GORAB: variants seen among roughly 807,000 people sequenced by gnomAD.
The protein encoded by GORAB is golgin, RAB6 interacting.
In GORAB, 17 loss-of-function variants were observed where a neutral mutation model predicts 29.9. The observed-to-expected ratio is 0.57, with a 90% CI of 0.39 to 0.85. GORAB has a LOEUF of 0.85. Among genes scored for constraint, GORAB ranks in the 40% least tolerant of loss-of-function variants. GORAB has a pLI of 0.00. For missense variants in GORAB, 442 were observed against 437.8 expected (o/e 1.01, Z -0.09); for synonymous variants, 183 against 157.2 (o/e 1.16, Z -1.23).
At chr1:170,550,468 A>G (rs1342876837) in intron 4 of GORAB, among the ~76,000 whole-genome samples, 2 of 152,350 alleles carry the variant, frequency 1.3e-5, no homozygotes, top group East Asian at 1.9e-4. Flanking sequence ...TGACATGACT[A>G]TGAAATTGCC....
At chr1:170,532,409 TACGTGGA>T (rs1315408790) in intron 1 of GORAB, 125 bp downstream of exon 1, 67 of 1,038,886 alleles carry the variant, frequency 6.4e-5, no homozygotes, top group Non-Finnish European at 8.9e-5. Context: ...GCGCTGTAAG[TACGTGGA>T]CTGGATTAGG....
At chr1:170,535,355 A>G (rs1424743483) in intron 1 of GORAB, among the ~76,000 whole-genome samples, 1 of 152,158 alleles carries the variant, frequency 6.6e-6, no homozygotes, top group Non-Finnish European at 1.5e-5. Context: ...ACACATGCAT[A>G]TATTTGATGT....
At chr1:170,533,916 T>A (rs1057407732) in intron 1 of GORAB, among the ~76,000 whole-genome samples, 5 of 152,212 alleles carry the variant, frequency 3.3e-5, no homozygotes, top group Non-Finnish European at 5.9e-5. Context: ...TCTCCTTGGA[T>A]TCCTTATTTG....
At chr1:170,547,174 G>C (rs921701372) in intron 4 of GORAB, among the ~76,000 whole-genome samples, 14 of 152,146 alleles carry the variant, frequency 9.2e-5, no homozygotes, top group Non-Finnish European at 1.9e-4. Flanking sequence ...TGAAGTGAAA[G>C]ATAATCCCTA....
At chr1:170,532,326 A>G in intron 1 of GORAB, 42 bp downstream of exon 1, 4 of 1,603,604 alleles carry the variant, frequency 2.5e-6, no homozygotes, top group Non-Finnish European at 3.4e-6. Flanking sequence ...TTGGGTCTTA[A>G]GGGGAAGAGG....
At chr1:170,550,660 CAG>C (rs1480012011) in intron 4 of GORAB, among the ~76,000 whole-genome samples, 1 of 152,200 alleles carries the variant, frequency 6.6e-6, no homozygotes, top group Non-Finnish European at 1.5e-5. Flanking sequence ...TCTTCCAAGA[CAG>C]AGAATCCTAA....
chr1:170,538,880 T>A lies in GORAB; in HGVS notation c.62-330T>A, dbSNP rs150903391. On this transcript the variant is annotated intron_variant, in intron 1 of 4. Coordinates refer to ENST00000367763, the MANE Select transcript of GORAB (RefSeq NM_152281.3). ...TAATTCAGTCACCTCCCTGATTTGG[T>A]CAAAATTAGTTGCTTTCTTTTGACA... Among the ~76,000 whole-genome samples the A allele has an allele frequency of 1.8e-4, 28 of 152,294 alleles. 1 individual carries two copies. In the East Asian group the frequency reaches 5.2e-3, roughly 28 times the overall value.
chr1:170,539,457 T>C lies in GORAB; in HGVS notation c.309T>C (p.Ile103=). Residue 103 remains isoleucine (I), a synonymous_variant, in exon 2 of 5, where the codon ATT becomes ATC. Transcript: ENST00000367763. ...TTGGTGATGGACAACCACAGGGCAT[T>C]GAAAGTCAGCCAAAGGAACTGGGAC... ...SPVGDGQPQG[I]ESQPKELGLE... is the part of the protein sequence containing the mutation. The C allele has an allele frequency of 6.2e-7, 1 of 1,614,120 alleles. No homozygotes were observed. The highest frequency in any genetic ancestry group is 8.5e-7 in the Non-Finnish European group (1 of 1,180,006).
chr1:170,532,448 T>C, intron 1 of GORAB, 164 bp downstream of exon 1: 2 of 743,646 alleles, frequency 2.7e-6, no homozygotes, highest in Non-Finnish European at 4.6e-6. Flanking sequence ...GAGGACTTAC[T>C]GGGAGTCACG....
chr1:170,546,376 C>T (rs1242695161), intron 4 of GORAB, among the ~76,000 whole-genome samples: 2 of 150,370 alleles, frequency 1.3e-5, no homozygotes, highest in Non-Finnish European at 3.0e-5. Context: ...GGCAACAGAG[C>T]GAGACTCCGT....
At chr1:170,534,239 C>G (rs1461056093) in intron 1 of GORAB, among the ~76,000 whole-genome samples, 1 of 152,192 alleles carries the variant, frequency 6.6e-6, no homozygotes, top group Admixed American at 6.5e-5. Context: ...ACTGTAGCCA[C>G]ATGCATTAAA....
In GORAB at chr1:170,542,573, G is replaced by T; in HGVS notation, c.502G>T (p.Ala168Ser). 6.2e-7 allele frequency: 1 copy of T among 1,613,196 alleles called. No homozygotes were observed. The highest frequency in any genetic ancestry group is 8.5e-7 in the Non-Finnish European group (1 of 1,179,282). Residue 168 changes from alanine to serine, a missense_variant, in exon 3 of 5, where the codon GCT (alanine) becomes TCT (serine). Transcript: ENST00000367763. ...EKNKRKKALL[A>S]KAIAERSKRT... ...AAATAAACGTAAAAAAGCTCTTTTGGCTAAAGCTATTGCAGAAAGGTGAGG... is the reference window on the plus strand; with the variant it reads ...AAATAAACGTAAAAAAGCTCTTTTGTCTAAAGCTATTGCAGAAAGGTGAGG...
At chr1:170,544,405 G>A (rs989703175) in intron 3 of GORAB, among the ~76,000 whole-genome samples, 1 of 152,100 alleles carries the variant, frequency 6.6e-6, no homozygotes, top group Non-Finnish European at 1.5e-5. Flanking sequence ...AATGTAAAGG[G>A]AACACAGATA....
intron 1 of GORAB, among the ~76,000 whole-genome samples, chr1:170,533,176 T>G (rs2101813810): frequency 6.6e-6 from 1 of 152,318 alleles, no homozygotes; most frequent in East Asian, 1.9e-4. Flanking sequence ...AAGTAAACCT[T>G]TTGTTAGCGT....
intron 4 of GORAB, among the ~76,000 whole-genome samples, chr1:170,549,093 A>G (rs1649928244): frequency 6.6e-6 from 1 of 152,204 alleles, no homozygotes. Flanking sequence ...TTCAGGGGAT[A>G]CCAAAACAAA....
chr1:170,535,070 T>G (rs931984927), intron 1 of GORAB, among the ~76,000 whole-genome samples: 3 of 152,214 alleles, frequency 2.0e-5, no homozygotes, highest in Admixed American at 2.0e-4. Flanking sequence ...GGTGCTGTCT[T>G]GTAGGAGTTT....
At chr1:170,539,613 C>T (rs187440568) in intron 2 of GORAB, 46 bp downstream of exon 2, 22 of 1,574,176 alleles carry the variant, frequency 1.4e-5, no homozygotes, top group African/African-American at 6.8e-5. Flanking sequence ...TCATTTAACC[C>T]GTTTTTTCCC....
chr1:170,550,236 C>T (rs998277180), intron 4 of GORAB, among the ~76,000 whole-genome samples: 2 of 152,186 alleles, frequency 1.3e-5, no homozygotes, highest in Admixed American at 6.5e-5. Context: ...TAGTGGTTCA[C>T]GGCATGGCCT....
Position 170,539,026 on chromosome 1 carries a change from A to G in GORAB, c.62-184A>G, listed in dbSNP as rs987195804. On this transcript the variant is annotated intron_variant, in intron 1 of 4. Transcript: ENST00000367763. ...GTTTCTGTTAAATATTAACATTATG[A>G]TCTGAAAACTATTGAAACTCTACAG... The G allele has an allele frequency of 6.0e-6, 4 of 667,464 alleles. No individual in the cohort carries two copies. The Admixed American group carries it at 1.1e-4, about 19-fold the overall frequency. 41.3% of individuals were successfully genotyped at this position (667,464 alleles called of 1,614,324 possible). A position where few individuals can be genotyped will look rare whatever the true frequency, so the allele number is the denominator to read the frequency against.
Sources: gnomAD v4.1 joint callset for allele counts (sites outside exome capture counted in the v4.1 genomes callset) on GRCh38, gnomAD v4.1.1 for gene constraint, MANE v1.5 for transcripts, NCBI Gene and HGNC (gene_info 2026-07-23, HGNC 2026-07-21) for gene names.